Variants in MPV17L observed in about 807,000 individuals in gnomAD.
MPV17L encodes the protein MPV17 mitochondrial inner membrane protein like.
MPV17L carries 24 observed loss-of-function variants against 25.8 expected under a neutral mutation model. The observed-to-expected ratio is 0.93, with a 90% CI of 0.67 to 1.31. The LOEUF is 1.31. MPV17L is among the 50% of genes most tolerant of loss of function. The pLI is 0.00. For synonymous variants in MPV17L, 102 were observed against 115.3 expected (o/e 0.88, Z 0.74); for missense variants, 250 against 265.6 (o/e 0.94, Z 0.41).
At chr16:15,401,719 C>T (rs1019384581) in intron 2 of MPV17L, among the ~76,000 whole-genome samples, 6 of 151,978 alleles carry the variant, frequency 3.9e-5, no homozygotes, top group Admixed American at 6.6e-5. Context: ...ACTCAGTAGG[C>T]CGAGGCAGGA....
chr16:15,400,346 CTTT>C (rs908354383), intron 1 of MPV17L, among the ~76,000 whole-genome samples: 6 of 125,108 alleles, frequency 4.8e-5, no homozygotes, highest in Admixed American at 8.1e-5. Flanking sequence ...ATTATGTTTT[CTTT>C]TTTTTTTTTT....
intron 2 of MPV17L, among the ~76,000 whole-genome samples, chr16:15,403,310 A>G (rs2050653745): frequency 6.9e-6 from 1 of 144,568 alleles, no homozygotes; most frequent in Non-Finnish European, 1.5e-5. Context: ...CAGAGACTGT[A>G]GTGAGCTGAG....
Position 15,411,200 on chromosome 16 carries a change from C to T in MPV17L, c.*3088C>T, listed in dbSNP as rs970532013. 99 of 152,546 alleles carry T rather than the reference C, an allele frequency of 6.5e-4. No homozygotes were observed. Among genetic ancestry groups the T allele is most frequent in the African/African-American group, 2.4e-3 (98 of 41,576 alleles). 9.4% of individuals were successfully genotyped at this position (152,546 alleles called of 1,614,324 possible). A position where few individuals can be genotyped will look rare whatever the true frequency, so the allele number is the denominator to read the frequency against. ...TGAGCAGAGATCAGGCCACTGCACT[C>T]CAGCCTAGGCGACAGAGCGAGAATC... On this transcript the variant is annotated 3_prime_UTR_variant, in exon 4 of 4. Transcript: ENST00000396385.
At position 15,411,727 on chromosome 16, in the gene MPV17L, G is replaced by A. The variant is rs1004910110; in HGVS notation, c.*3615G>A. ...CCAGCACTTTGGGAGGCCAAGGCAG[G>A]TGGATCGGTTGAGGTCAGGAGTTCA... On this transcript the variant is annotated 3_prime_UTR_variant, in exon 4 of 4. Transcript: ENST00000396385. 4 of 152,136 alleles carry A rather than the reference G, an allele frequency of 2.6e-5. No homozygotes were observed. Among genetic ancestry groups the A allele is most frequent in the Non-Finnish European group, 5.9e-5 (4 of 68,062 alleles). The allele number at this position is 152,136 out of a possible 1,614,324, so 9.4% of individuals were successfully genotyped here.
chr16:15,402,620 G>C (rs1362761029), intron 2 of MPV17L, among the ~76,000 whole-genome samples: 3 of 152,162 alleles, frequency 2.0e-5, no homozygotes, highest in Non-Finnish European at 2.9e-5. Context: ...AGGACCCCAT[G>C]GTGACAACCA....
At chr16:15,400,325 TTA>T (rs1451336553) in intron 1 of MPV17L, among the ~76,000 whole-genome samples, 2 of 151,890 alleles carry the variant, frequency 1.3e-5, no homozygotes. Flanking sequence ...TTATCTAGTT[TTA>T]GAGTGGAGAT....
Position 15,410,331 on chromosome 16 carries a change from C to G in MPV17L, c.*2219C>G, listed in dbSNP as rs2050722544. 6.6e-6 allele frequency: 1 copy of G among 152,116 alleles called. No individual in the cohort carries two copies. Among genetic ancestry groups the G allele is most frequent in the Non-Finnish European group, 1.5e-5 (1 of 68,058 alleles). The allele number at this position is 152,116 out of a possible 1,614,324, so 9.4% of individuals were successfully genotyped here. On this transcript the variant is annotated 3_prime_UTR_variant, in exon 4 of 4. Transcript: ENST00000396385. Reference sequence around the variant, plus strand: ...CTTTGGGAGGCCAAGGCGGTTGGATCACAAGGTCAGGAGATCGAGACCATC... The same window carrying G: ...CTTTGGGAGGCCAAGGCGGTTGGATGACAAGGTCAGGAGATCGAGACCATC...
Position 15,395,910 on chromosome 16 carries a change from TG to T in MPV17L, c.15del (p.Trp5CysfsTer52). ...CCACAGCGCGGACATGGCGGGCTGG[TG>T]GCCGGCGTTGTCGCGCGCGGCCCGG... MAGW[W>X]PALSRAARRH... On this transcript the variant is annotated frameshift_variant, in exon 1 of 4. Transcript: ENST00000396385. LOFTEE classifies it high-confidence loss of function. 1 of 1,410,688 alleles carries T rather than the reference TG, an allele frequency of 7.1e-7. No homozygotes were observed. 87.4% of individuals were successfully genotyped at this position (1,410,688 alleles called of 1,614,324 possible).
At chr16:15,406,364 A>G (rs1266717250) in intron 2 of MPV17L, among the ~76,000 whole-genome samples, 1 of 152,174 alleles carries the variant, frequency 6.6e-6, no homozygotes, top group Non-Finnish European at 1.5e-5. Context: ...ATTAGTAAAA[A>G]GAAGAAAATA....
At chr16:15,397,230 T>C (rs1211996481) in intron 1 of MPV17L, among the ~76,000 whole-genome samples, 1 of 152,166 alleles carries the variant, frequency 6.6e-6, no homozygotes, top group African/African-American at 2.4e-5. Context: ...TGAGTCATGA[T>C]GCTAGCACAT....
chr16:15,407,635 A>G (rs2050693205), intron 2 of MPV17L, among the ~76,000 whole-genome samples, 189 bp from the exon 3 acceptor site: 1 of 152,068 alleles, frequency 6.6e-6, no homozygotes. Context: ...GCAGATACTC[A>G]GGAGGCAGAG....
At position 15,410,644 on chromosome 16, in the gene MPV17L, C is replaced by T. The variant is rs1391389739; in HGVS notation, c.*2532C>T. ...TTCCACAGATTTCAAGTTGTGAAGC[C>T]CTGAACTGTTAATTTATCCTGAGAA... On this transcript the variant is annotated 3_prime_UTR_variant, in exon 4 of 4. Coordinates refer to ENST00000396385, the MANE Select transcript of MPV17L (RefSeq NM_001128423.2). 1.3e-5 allele frequency: 2 copies of T among 152,040 alleles called. No homozygotes were observed. Among genetic ancestry groups the T allele is most frequent in the Non-Finnish European group, 1.5e-5 (1 of 68,004 alleles). The allele number at this position is 152,040 out of a possible 1,614,324, so 9.4% of individuals were successfully genotyped here.
At chr16:15,403,267 G>A (rs979083236) in intron 2 of MPV17L, among the ~76,000 whole-genome samples, 10 of 151,438 alleles carry the variant, frequency 6.6e-5, no homozygotes, top group Admixed American at 4.0e-4. Flanking sequence ...TACTTGGGAG[G>A]CTGAGGCAGG....
At position 15,411,231 on chromosome 16, in the gene MPV17L, C is replaced by G. The variant is rs1288745136; in HGVS notation, c.*3119C>G. The G allele has an allele frequency of 6.6e-6, 1 of 152,378 alleles. No individual in the cohort carries two copies. The highest frequency in any genetic ancestry group is 1.5e-5 in the Non-Finnish European group (1 of 68,230). The allele number at this position is 152,378 out of a possible 1,614,324, so 9.4% of individuals were successfully genotyped here. On this transcript the variant is annotated 3_prime_UTR_variant, in exon 4 of 4. Coordinates refer to ENST00000396385, the MANE Select transcript of MPV17L (RefSeq NM_001128423.2). ...TAGGCGACAGAGCGAGAATCTGTCT[C>G]AAAACAAACAAACAAACAAAAAACT...
intron 1 of MPV17L, among the ~76,000 whole-genome samples, chr16:15,396,717 G>C (rs1345456430): frequency 6.6e-6 from 1 of 152,156 alleles, no homozygotes; most frequent in South Asian, 2.1e-4. Flanking sequence ...AAAATGCAAG[G>C]GGATCAGTGA....
chr16:15,400,472 T>G (rs1738862793), intron 1 of MPV17L, among the ~76,000 whole-genome samples: 1 of 150,872 alleles, frequency 6.6e-6, no homozygotes, highest in African/African-American at 2.4e-5. Flanking sequence ...CACCTCAGCC[T>G]CCTGAGTAGC....
Position 15,412,618 on chromosome 16 carries a change from C to T in MPV17L, c.*4506C>T, listed in dbSNP as rs1310798707. The T allele has an allele frequency of 6.6e-6, 1 of 150,420 alleles. No homozygotes were observed. Among genetic ancestry groups the T allele is most frequent in the African/African-American group, 2.4e-5 (1 of 40,896 alleles). 9.3% of individuals were successfully genotyped at this position (150,420 alleles called of 1,614,324 possible). A position where few individuals can be genotyped will look rare whatever the true frequency, so the allele number is the denominator to read the frequency against. ...TGAGACAGAGTTTCGCTTTGTAGCC[C>T]AGGTTGGAGTGCAGTGTCGCGATCT... On this transcript the variant is annotated 3_prime_UTR_variant, in exon 4 of 4. Coordinates refer to ENST00000396385, the MANE Select transcript of MPV17L (RefSeq NM_001128423.2).
In MPV17L at chr16:15,410,234, T is replaced by G. The variant is rs2050721580; in HGVS notation, c.*2122T>G. The G allele has an allele frequency of 6.6e-6, 1 of 152,004 alleles. No homozygotes were observed. 9.4% of individuals were successfully genotyped at this position (152,004 alleles called of 1,614,324 possible). A position where few individuals can be genotyped will look rare whatever the true frequency, so the allele number is the denominator to read the frequency against. ...TGGGAGGCTGAGGTGGGAGGATTGCTTAAGGCAAGGAGTTTGAGACCAGCC... is the reference window on the plus strand; with the variant it reads ...TGGGAGGCTGAGGTGGGAGGATTGCGTAAGGCAAGGAGTTTGAGACCAGCC... On this transcript the variant is annotated 3_prime_UTR_variant, in exon 4 of 4. Transcript: ENST00000396385.
intron 2 of MPV17L, among the ~76,000 whole-genome samples, chr16:15,403,814 A>G (rs1231011236): frequency 1.3e-5 from 2 of 152,106 alleles, no homozygotes; most frequent in Non-Finnish European, 2.9e-5. Flanking sequence ...ATCTACCCTC[A>G]GGAGAAGAAA....
Sources: gnomAD v4.1 joint callset for allele counts (sites outside exome capture counted in the v4.1 genomes callset) on GRCh38, gnomAD v4.1.1 for gene constraint, MANE v1.5 for transcripts, NCBI Gene and HGNC (gene_info 2026-07-23, HGNC 2026-07-21) for gene names.